Variants in ZNF407 observed in about 807,000 individuals in gnomAD.
ZNF407 encodes zinc finger protein 407.
A neutral mutation model predicts 131.2 loss-of-function variants in ZNF407; 17 were observed. The observed-to-expected ratio is 0.13, with a 90% CI of 0.09 to 0.19. The LOEUF (loss-of-function observed/expected upper bound fraction) is 0.19, where lower values mean the gene tolerates loss of function less well. Ranked by LOEUF, ZNF407 falls within the 10% of genes least tolerant of loss-of-function variation. ZNF407 has a pLI of 1.00. For synonymous variants in ZNF407, 1,156 were observed against 1,062.0 expected, an observed-to-expected ratio of 1.09 and a Z score of -1.72; for missense variants, 2,681 against 2,830.6, an observed-to-expected ratio of 0.95 and a Z score of 1.20.
At chr18:74,814,931 A>G (rs1054317144) in intron 4 of ZNF407, among the ~76,000 whole-genome samples, 1 of 151,724 alleles carries the variant, frequency 6.6e-6, no homozygotes, top group East Asian at 1.9e-4. Flanking sequence ...TCAAAATATC[A>G]TATTATATAA....
At chr18:75,022,017 C>G (rs1426560693) in intron 8 of ZNF407, among the ~76,000 whole-genome samples, 1 of 151,676 alleles carries the variant, frequency 6.6e-6, no homozygotes, top group East Asian at 1.9e-4. Flanking sequence ...TCAATAAAAA[C>G]AGGTAGAAAA....
At chr18:74,619,737 T>C (rs1983441424) in intron 1 of ZNF407, among the ~76,000 whole-genome samples, 1 of 152,204 alleles carries the variant, frequency 6.6e-6, no homozygotes, top group Non-Finnish European at 1.5e-5. Context: ...TGAAATTATA[T>C]TTTACAATAA....
rs1441024231 is a variant in ZNF407 at position 74,635,242 on chromosome 18, T to C, written c.4223T>C (p.Ile1408Thr). ...AAGAAGAAATCTGAGGGCAGTTCCATTGGTGAGTCTACACGAATTCGCTGT... is the reference window on the plus strand; with the variant it reads ...AAGAAGAAATCTGAGGGCAGTTCCACTGGTGAGTCTACACGAATTCGCTGT... ...VKKKKSEGSS[I>T]GESTRIRCDD... The change falls in exon 2 of 9, where the codon ATT (isoleucine) becomes ACT (threonine). Residue 1408 changes from isoleucine to threonine, a missense_variant. By Grantham distance (89) the Ile-to-Thr change is moderately conservative (BLOSUM62 -1). This residue lies in a region of ZNF407 where 1,789 missense variants were observed against 1,748.7 expected (regional missense o/e 1.02). Coordinates refer to ENST00000299687, the MANE Select transcript of ZNF407 (RefSeq NM_017757.3). This position sits in a 1 kb window ranked among gnomAD's most constrained non-coding sequence, Gnocchi z 4.7. 6.2e-7 allele frequency: 1 copy of C among 1,613,784 alleles called. No homozygotes were observed.
chr18:75,022,860 A>G lies in ZNF407; in HGVS notation c.5429-40290A>G, dbSNP rs141208000. On this transcript the variant is annotated intron_variant, in intron 8 of 8. Transcript: ENST00000299687. ...TACCCCAAAGAATATAAATTGTTCTATTGTAAAGATACCTGCATATGTATG... is the reference window on the plus strand; with the variant it reads ...TACCCCAAAGAATATAAATTGTTCTGTTGTAAAGATACCTGCATATGTATG... Among the ~76,000 whole-genome samples the G allele has an allele frequency of 3.6e-3, 553 of 152,312 alleles. 7 individuals are homozygous for G. Among genetic ancestry groups the G allele is most frequent in the South Asian group, 0.03 (147 of 4,826 alleles).
chr18:74,958,588 G>A, intron 8 of ZNF407, among the ~76,000 whole-genome samples: 1 of 152,198 alleles, frequency 6.6e-6, no homozygotes, highest in African/African-American at 2.4e-5. Flanking sequence ...GGTTTGACGA[G>A]GAGTCCGCCA....
At chr18:75,030,216 G>T (rs1293505314) in intron 8 of ZNF407, among the ~76,000 whole-genome samples, 1 of 152,106 alleles carries the variant, frequency 6.6e-6, no homozygotes, top group Non-Finnish European at 1.5e-5. Flanking sequence ...TAAAAATTTT[G>T]TCCATGAACT....
chr18:74,602,761 G>A (rs1982637043), intron 1 of ZNF407, among the ~76,000 whole-genome samples: 1 of 152,160 alleles, frequency 6.6e-6, no homozygotes. Context: ...ACCTTCTACA[G>A]TATTTTAGCA....
In ZNF407 at chr18:74,633,484, C is replaced by T. The variant is rs1247118166; in HGVS notation, c.2465C>T (p.Ser822Leu). Residue 822 changes from serine (S) to leucine (L), a missense_variant, in exon 2 of 9, where the codon TCA becomes TTA. Physicochemically the swap from Ser to Leu is moderately radical, Grantham distance 145 (BLOSUM62 -2). Around this residue, in one of 6 missense-constraint regions of ZNF407, gnomAD observed 1,789 missense variants for 1,748.7 expected, o/e 1.02. Transcript: ENST00000299687. The part of the protein sequence containing the change: ...EKGMLASEEL[S>L]QSGGSTKDDE... ...GGCATGCTGGCGTCTGAGGAACTGT[C>T]ACAGTCTGGTGGTAGCACCAAAGAT... 1.2e-6 allele frequency: 2 copies of T among 1,613,960 alleles called. No individual in the cohort carries two copies. The highest frequency in any genetic ancestry group is 2.2e-5 in the South Asian group (2 of 91,068).
chr18:74,925,291 T>C (rs981179377), intron 8 of ZNF407, among the ~76,000 whole-genome samples: 1 of 152,218 alleles, frequency 6.6e-6, no homozygotes, highest in Admixed American at 6.5e-5. Flanking sequence ...GTTCTTGTAT[T>C]CTTCTCTAAG....
chr18:74,811,106 A>C (rs1422249136), intron 4 of ZNF407, among the ~76,000 whole-genome samples: 1 of 152,124 alleles, frequency 6.6e-6, no homozygotes, highest in African/African-American at 2.4e-5. Flanking sequence ...AATGGGAGAA[A>C]ATTTTCGCAA....
intron 3 of ZNF407, among the ~76,000 whole-genome samples, chr18:74,673,419 G>C (rs750832121): frequency 6.6e-6 from 1 of 152,124 alleles, no homozygotes; most frequent in African/African-American, 2.4e-5. Flanking sequence ...AAATCTCTCT[G>C]GTTGTGACCC....
chr18:75,035,394 G>A (rs897922120), intron 8 of ZNF407, among the ~76,000 whole-genome samples: 3 of 152,092 alleles, frequency 2.0e-5, no homozygotes, highest in Admixed American at 1.3e-4. Context: ...ATTTTATTAC[G>A]ATACTTCTAC....
At chr18:74,979,888 A>G (rs1362722828) in intron 8 of ZNF407, among the ~76,000 whole-genome samples, 1 of 152,172 alleles carries the variant, frequency 6.6e-6, no homozygotes, top group African/African-American at 2.4e-5. Flanking sequence ...AAAAAGCACT[A>G]ATCCAGCTGA....
At position 74,973,128 on chromosome 18, in the gene ZNF407, T is replaced by TTATA. The variant is rs146638520; in HGVS notation, c.5428+52444_5428+52447dup. On this transcript the variant is annotated intron_variant, in intron 8 of 8. Transcript: ENST00000299687. ...ACTTTTTTAGTGATTATTCTAGGTT[T>TTATA]TATATATATATGTGTGTGTGTGTGT... Among the ~76,000 whole-genome samples, 203 of 152,076 alleles carry TTATA rather than the reference T, an allele frequency of 1.3e-3. 2 individuals are homozygous for TTATA. Among genetic ancestry groups the TTATA allele is most frequent in the African/African-American group, 4.3e-3 (179 of 41,406 alleles).
intron 3 of ZNF407, among the ~76,000 whole-genome samples, chr18:74,735,222 T>A (rs1354066183): frequency 1.3e-5 from 2 of 152,218 alleles, no homozygotes; most frequent in Non-Finnish European, 2.9e-5. Flanking sequence ...TGCCCTTCTT[T>A]TAAATGCTAA....
chr18:75,015,412 T>C (rs901461979), intron 8 of ZNF407, among the ~76,000 whole-genome samples: 4 of 151,232 alleles, frequency 2.6e-5, no homozygotes, highest in African/African-American at 4.8e-5. Flanking sequence ...CTCCACTCTA[T>C]GTATGAATAA....
chr18:74,835,525 ACT>A (rs1039974376), intron 4 of ZNF407, among the ~76,000 whole-genome samples: 1 of 152,158 alleles, frequency 6.6e-6, no homozygotes, highest in African/African-American at 2.4e-5. Flanking sequence ...ATAAGAACAC[ACT>A]GAAGCTTTTA....
chr18:74,603,300 C>T lies in ZNF407; in HGVS notation c.-54+5363C>T, dbSNP rs565199958. ...CAGAGGAAAGGAAGTCCCCCCTGCC[C>T]TTCAGTTATTTATTTAGTTGTTTAC... is the stretch of plus-strand genomic sequence containing the variant. On this transcript the variant is annotated intron_variant, in intron 1 of 8. Transcript: ENST00000299687. Among the ~76,000 whole-genome samples the T allele has an allele frequency of 3.9e-5, 6 of 152,236 alleles. No individual in the cohort carries two copies. In the East Asian group the frequency reaches 1.2e-3, roughly 29 times the overall value.
chr18:74,612,282 A>G (rs773592358), intron 1 of ZNF407, among the ~76,000 whole-genome samples: 9 of 152,204 alleles, frequency 5.9e-5, no homozygotes, highest in Non-Finnish European at 1.0e-4. Flanking sequence ...GGATAACTGT[A>G]TAAGAAGGAA....
Sources: allele counts gnomAD v4.1 joint callset (sites outside exome capture counted in the v4.1 genomes callset), GRCh38; gene constraint gnomAD v4.1.1; regional missense constraint gnomAD v4.1.1; non-coding constraint Gnocchi (gnomAD v3.1); transcripts MANE v1.5; gene names NCBI Gene and HGNC (gene_info 2026-07-23, HGNC 2026-07-21).